CNTN4: variants seen among roughly 807,000 people sequenced by gnomAD.
The protein encoded by CNTN4 is contactin 4.
Under a neutral mutation model 122.5 loss-of-function variants are expected in CNTN4, and 77 were observed. The observed-to-expected ratio is 0.63, with a 90% confidence interval of 0.52 to 0.76. The LOEUF (loss-of-function observed/expected upper bound fraction) is 0.76. Ranked by LOEUF, CNTN4 falls within the 30% of genes least tolerant of loss-of-function variation. The pLI, the probability that CNTN4 is intolerant of heterozygous loss-of-function variation, is 0.00. For synonymous variants in CNTN4, 512 were observed against 447.0 expected (o/e 1.15, Z -1.83); for missense variants, 1,256 against 1,259.1 (o/e 1.00, Z 0.04).
chr3:2,650,219 C>T (rs2083302635), intron 4 of CNTN4, among the ~76,000 whole-genome samples: 1 of 151,668 alleles, frequency 6.6e-6, no homozygotes, highest in Non-Finnish European at 1.5e-5. Flanking sequence ...TTAAAGCTTT[C>T]AATGGAGGAA....
intron 2 of CNTN4, chr3:2,262,262 A>C (rs2040861827): frequency 6.6e-6 from 1 of 152,130 alleles, no homozygotes; most frequent in Non-Finnish European, 1.5e-5. Context: ...CTTTCTTTCC[A>C]ACTTTATCTG....
chr3:2,992,873 A>G (rs1447436048), intron 14 of CNTN4, among the ~76,000 whole-genome samples: 4 of 152,198 alleles, frequency 2.6e-5, no homozygotes, highest in African/African-American at 9.6e-5. Flanking sequence ...CTAGCAAGTG[A>G]CAGTTCAGTA....
intron 2 of CNTN4, among the ~76,000 whole-genome samples, chr3:2,135,822 C>T (rs2034666224): frequency 6.6e-6 from 1 of 152,184 alleles, no homozygotes; most frequent in South Asian, 2.1e-4. Flanking sequence ...TCCTGGTCTA[C>T]AGCGAATTGG....
chr3:2,951,125 T>A (rs1300270516), intron 13 of CNTN4, among the ~76,000 whole-genome samples: 1 of 152,146 alleles, frequency 6.6e-6, no homozygotes, highest in Non-Finnish European at 1.5e-5. Context: ...TCTTTTGTTG[T>A]TATCATTGAT....
Position 2,753,716 on chromosome 3 carries a change from C to G in CNTN4, c.358+8019C>G, listed in dbSNP as rs150623944. On this transcript the variant is annotated intron_variant, in intron 6 of 24. Coordinates refer to ENST00000418658, the MANE Select transcript of CNTN4 (RefSeq NM_175607.3). ...GTTGGTGAAATGTTTCCTTTGTACA[C>G]AAACTTGAATTTTTTGTTGCATTAA... is the stretch of plus-strand genomic sequence containing the variant. Among the ~76,000 whole-genome samples the G allele has an allele frequency of 9.7e-3, 1,471 of 152,254 alleles. 21 individuals are homozygous for G. The highest frequency in any genetic ancestry group is 0.034 in the African/African-American group (1,414 of 41,536).
chr3:2,509,829 G>A lies in CNTN4; in HGVS notation c.-88-61587G>A, dbSNP rs192253153. On this transcript the variant is annotated intron_variant, in intron 3 of 24. Coordinates refer to ENST00000418658, the MANE Select transcript of CNTN4 (RefSeq NM_175607.3). Reference sequence around the variant, plus strand: ...ACCTTTCTCTACCTTTGGATAGTAGGGATGAAAGAAAGTAAGATGGAGAAA... The same window carrying A: ...ACCTTTCTCTACCTTTGGATAGTAGAGATGAAAGAAAGTAAGATGGAGAAA... 1.9e-3 allele frequency among the ~76,000 whole-genome samples: 289 copies of A among 152,120 alleles called. 2 individuals carry two copies. Among genetic ancestry groups the A allele is most frequent in the African/African-American group, 6.7e-3 (280 of 41,502 alleles).
At chr3:2,953,487 C>T (rs1483272837) in intron 13 of CNTN4, among the ~76,000 whole-genome samples, 1 of 151,488 alleles carries the variant, frequency 6.6e-6, no homozygotes, top group Non-Finnish European at 1.5e-5. Context: ...TCTATTGGGT[C>T]CTCCTCCATT....
intron 8 of CNTN4, among the ~76,000 whole-genome samples, chr3:2,880,635 C>A (rs1179372071): frequency 6.6e-6 from 1 of 152,166 alleles, no homozygotes; most frequent in Non-Finnish European, 1.5e-5. Context: ...CAGAGGCTAG[C>A]CCAGAAAGGA....
intron 3 of CNTN4, among the ~76,000 whole-genome samples, chr3:2,557,236 G>A (rs890052303): frequency 2.0e-5 from 3 of 152,162 alleles, no homozygotes; most frequent in African/African-American, 7.2e-5. Context: ...GAGGAAATTT[G>A]ATGTCAGAAA....
chr3:2,449,940 A>G (rs1316365912), intron 3 of CNTN4, among the ~76,000 whole-genome samples: 2 of 152,148 alleles, frequency 1.3e-5, no homozygotes, highest in African/African-American at 4.8e-5. Flanking sequence ...TAGAGAATGG[A>G]GGGAGGAGGA....
intron 13 of CNTN4, among the ~76,000 whole-genome samples, chr3:2,975,759 TG>T (rs1173182899): frequency 2.0e-5 from 3 of 152,218 alleles, no homozygotes; most frequent in Non-Finnish European, 4.4e-5. Flanking sequence ...TATATTTTAA[TG>T]TTTTTTTCTC....
intron 3 of CNTN4, among the ~76,000 whole-genome samples, chr3:2,463,207 T>C (rs116276524): frequency 2.1e-5 from 3 of 145,636 alleles, no homozygotes; most frequent in Admixed American, 6.9e-5. Flanking sequence ...ATGGGCTTTT[T>C]AAAAAAAAAA....
At chr3:2,654,940 A>G (rs1327431513) in intron 4 of CNTN4, among the ~76,000 whole-genome samples, 2 of 152,146 alleles carry the variant, frequency 1.3e-5, no homozygotes, top group Non-Finnish European at 2.9e-5. Flanking sequence ...ATGCAGCCAA[A>G]CACTTCAGAA....
At chr3:2,925,560 A>G (rs2151375338) in intron 12 of CNTN4, 69 bp from the exon 13 acceptor site, 2 of 1,520,040 alleles carry the variant, frequency 1.3e-6, no homozygotes, top group Non-Finnish European at 1.8e-6. Flanking sequence ...AGAAAGAAAG[A>G]AAAAGACTAA....
intron 14 of CNTN4, among the ~76,000 whole-genome samples, chr3:3,012,387 AT>A (rs1485388991): frequency 1.3e-5 from 2 of 152,040 alleles, no homozygotes; most frequent in African/African-American, 2.4e-5. Context: ...AATAGCTAGC[AT>A]TTTTTGAGCA....
intron 8 of CNTN4, among the ~76,000 whole-genome samples, chr3:2,876,020 A>G (rs1413810637): frequency 6.6e-6 from 1 of 152,204 alleles, no homozygotes; most frequent in East Asian, 1.9e-4. Context: ...TTATCTCTGC[A>G]TTTTCAATAT....
intron 20 of CNTN4, among the ~76,000 whole-genome samples, 195 bp from the exon 21 acceptor site, chr3:3,042,115 C>T (rs1700217020): frequency 6.6e-6 from 1 of 152,194 alleles, no homozygotes; most frequent in Admixed American, 6.5e-5. Flanking sequence ...AAATTCAGAA[C>T]CCAAACACTG....
At chr3:2,718,257 A>G (rs1321224843) in intron 4 of CNTN4, among the ~76,000 whole-genome samples, 1 of 151,986 alleles carries the variant, frequency 6.6e-6, no homozygotes, top group African/African-American at 2.4e-5. Flanking sequence ...TAACCCTTTA[A>G]CGTTTGCTAT....
chr3:2,900,402 A>G (rs189261236), intron 10 of CNTN4, among the ~76,000 whole-genome samples: 1 of 152,324 alleles, frequency 6.6e-6, no homozygotes, highest in African/African-American at 2.4e-5. Context: ...AAAAGGAATA[A>G]TAGATACTTA....
Sources: gnomAD v4.1 joint callset for allele counts (sites outside exome capture counted in the v4.1 genomes callset) on GRCh38, gnomAD v4.1.1 for gene constraint, MANE v1.5 for transcripts, NCBI Gene and HGNC (gene_info 2026-07-23, HGNC 2026-07-21) for gene names.